Variants in SEMA3E observed in about 807,000 individuals in gnomAD.
SEMA3E encodes the protein semaphorin 3E.
A neutral mutation model predicts 93.6 loss-of-function variants in SEMA3E; 49 were observed. The ratio of observed to expected loss-of-function variants is 0.52; its 90% CI spans 0.42 to 0.66. The LOEUF (loss-of-function observed/expected upper bound fraction) is 0.66. SEMA3E is among the 30% of genes least tolerant of loss of function. The probability of loss-of-function intolerance (pLI) is 0.00; values close to 1 mark genes in which losing one functional copy is unlikely to be tolerated. For missense variants in SEMA3E, 906 were observed against 964.8 expected (o/e 0.94, Z 0.81); for synonymous variants, 363 against 330.7 (o/e 1.10, Z -1.06).
At chr7:83,643,608 T>C (rs989500629) in intron 1 of SEMA3E, among the ~76,000 whole-genome samples, 3 of 151,970 alleles carry the variant, frequency 2.0e-5, no homozygotes, top group Non-Finnish European at 4.4e-5. Context: ...ATGTGATACA[T>C]GGACAATATT....
At chr7:83,495,000 C>A (rs1032111278) in intron 1 of SEMA3E, among the ~76,000 whole-genome samples, 13 of 151,880 alleles carry the variant, frequency 8.6e-5, no homozygotes, top group African/African-American at 3.1e-4. Flanking sequence ...GGGGTCAGAG[C>A]AGTCAACATG....
intron 5 of SEMA3E, among the ~76,000 whole-genome samples, chr7:83,412,915 T>C (rs965868996): frequency 3.9e-5 from 6 of 152,078 alleles, no homozygotes; most frequent in African/African-American, 4.8e-5. Context: ...TTAATTTTAA[T>C]AGATTAAAAC....
Position 83,394,299 on chromosome 7 carries a change from G to T in SEMA3E, c.1498C>A (p.Arg500=), listed in dbSNP as rs111300014. The part of the protein sequence containing the change: ...PIISMEISSK[R]QQLYIGSASA... ...ACACACACACACACAGAACTTACCC[G>T]CTTTGAAGAAATCTCCATAGAAATA... Residue 500 remains arginine, a splice_region_variant and synonymous_variant, in exon 13 of 17, where the codon CGG becomes AGG. Transcript: ENST00000643230. 118 of 1,612,470 alleles carry T rather than the reference G, an allele frequency of 7.3e-5. No homozygotes were observed. The highest frequency in any genetic ancestry group is 9.0e-5 in the Non-Finnish European group (106 of 1,179,456).
At chr7:83,581,593 G>T (rs1328371422) in intron 1 of SEMA3E, among the ~76,000 whole-genome samples, 1 of 151,834 alleles carries the variant, frequency 6.6e-6, no homozygotes, top group Non-Finnish European at 1.5e-5. Context: ...ATTGAATTTT[G>T]CACCATGGAA....
intron 1 of SEMA3E, among the ~76,000 whole-genome samples, chr7:83,534,027 A>C (rs1768943361): frequency 6.6e-6 from 1 of 152,206 alleles, no homozygotes; most frequent in South Asian, 2.1e-4. Flanking sequence ...AAGAAAATGA[A>C]GTTTCCATTT....
At chr7:83,394,172 A>G (rs1788071716) in intron 13 of SEMA3E, 125 bp downstream of exon 13, 1 of 1,056,138 alleles carries the variant, frequency 9.5e-7, no homozygotes, top group Non-Finnish European at 1.4e-6. Flanking sequence ...AAAGTAATAA[A>G]AGAAAAATAA....
In SEMA3E at chr7:83,407,080, G is replaced by A; in HGVS notation, c.813+17C>T. 6.2e-7 allele frequency: 1 copy of A among 1,612,922 alleles called. No homozygotes were observed. ...AAATTGTGAGATAAGCAAGCATAAT[G>A]AGAGAGAAAGCCTCACCACACAGAG... On this transcript the variant is annotated intron_variant, in intron 7 of 16. Transcript: ENST00000643230.
chr7:83,499,974 T>A (rs1258986479), intron 1 of SEMA3E, among the ~76,000 whole-genome samples: 2 of 152,160 alleles, frequency 1.3e-5, no homozygotes, highest in Non-Finnish European at 2.9e-5. Context: ...GGATAAGAAA[T>A]GTGTGGCTTT....
At chr7:83,575,335 G>T (rs1441821243) in intron 1 of SEMA3E, among the ~76,000 whole-genome samples, 1 of 150,742 alleles carries the variant, frequency 6.6e-6, no homozygotes, top group Non-Finnish European at 1.5e-5. Context: ...TAAAGATTAG[G>T]CATTATATTC....
intron 2 of SEMA3E, among the ~76,000 whole-genome samples, chr7:83,480,974 A>G (rs977727008): frequency 3.3e-5 from 5 of 152,188 alleles, no homozygotes; most frequent in Non-Finnish European, 5.9e-5. Flanking sequence ...TTCTTCCTCA[A>G]TATAAAACTA....
chr7:83,515,208 G>A lies in SEMA3E; in HGVS notation c.116-24934C>T, dbSNP rs116493046. ...TTTCCTTCTCACTGCTCCAGGCACT[G>A]CAGAGGCCTCTCAGGGAAGTTCCTG... is the stretch of plus-strand genomic sequence containing the variant. On this transcript the variant is annotated intron_variant, in intron 1 of 16. Coordinates refer to ENST00000643230, the MANE Select transcript of SEMA3E (RefSeq NM_012431.3). 3.2e-3 allele frequency among the ~76,000 whole-genome samples: 478 copies of A among 151,566 alleles called. 3 individuals are homozygous for A. The highest frequency in any genetic ancestry group is 8.3e-3 in the African/African-American group (343 of 41,278).
chr7:83,530,347 T>A (rs1372975962), intron 1 of SEMA3E, among the ~76,000 whole-genome samples: 4 of 152,182 alleles, frequency 2.6e-5, no homozygotes. Flanking sequence ...CCTAAAAATA[T>A]GTCTTCAGAA....
chr7:83,542,188 TA>T (rs77120726), intron 1 of SEMA3E, among the ~76,000 whole-genome samples: 28,324 of 144,394 alleles, frequency 0.2, 2,939 homozygotes, highest in East Asian at 0.4. Context: ...ATAAAAAAGT[TA>T]AAAAAAAAAA....
intron 4 of SEMA3E, among the ~76,000 whole-genome samples, chr7:83,450,453 A>C (rs1015533254): frequency 6.6e-6 from 1 of 152,258 alleles, no homozygotes. Context: ...AACTACACAC[A>C]ACATAGATCA....
chr7:83,568,174 A>G (rs540715766), intron 1 of SEMA3E, among the ~76,000 whole-genome samples: 13 of 152,158 alleles, frequency 8.5e-5, no homozygotes, highest in Non-Finnish European at 1.8e-4. Flanking sequence ...CCAAGATTGA[A>G]TCAGGATGAA....
chr7:83,549,056 G>A (rs1436914449), intron 1 of SEMA3E, among the ~76,000 whole-genome samples: 2 of 151,880 alleles, frequency 1.3e-5, no homozygotes, highest in Non-Finnish European at 2.9e-5. Flanking sequence ...CAAATAAGAA[G>A]GACAAAACAG....
intron 1 of SEMA3E, among the ~76,000 whole-genome samples, chr7:83,530,205 A>T (rs1253917084): frequency 2.0e-5 from 3 of 152,136 alleles, no homozygotes; most frequent in Admixed American, 6.6e-5. Context: ...CTTGCTTATT[A>T]TTCATTACAA....
At chr7:83,380,391 G>A (rs1787753380) in intron 16 of SEMA3E, among the ~76,000 whole-genome samples, 1 of 151,844 alleles carries the variant, frequency 6.6e-6, no homozygotes, top group South Asian at 2.1e-4. Context: ...TGTGTACACA[G>A]TCAAGCTAAG....
At chr7:83,616,026 G>T (rs1428481788) in intron 1 of SEMA3E, among the ~76,000 whole-genome samples, 1 of 151,868 alleles carries the variant, frequency 6.6e-6, no homozygotes, top group African/African-American at 2.4e-5. Flanking sequence ...ATTGTGGTGG[G>T]TTAAATGTAT....
Sources: allele counts gnomAD v4.1 joint callset (sites outside exome capture counted in the v4.1 genomes callset), GRCh38; gene constraint gnomAD v4.1.1; transcripts MANE v1.5; gene names NCBI Gene and HGNC (gene_info 2026-07-23, HGNC 2026-07-21).